Variants in DLG2 observed in about 807,000 individuals in gnomAD.
DLG2 encodes the protein discs large MAGUK scaffold protein 2, also known as disks large homolog 2.
A neutral mutation model predicts 132.5 loss-of-function variants in DLG2; 45 were observed. That is an observed-to-expected ratio of 0.34 (90% CI 0.27 to 0.44). DLG2 has a LOEUF of 0.44. Among genes scored for constraint, DLG2 ranks in the 20% least tolerant of loss-of-function variants. The pLI is 1.00. For synonymous variants in DLG2, 424 were observed against 419.6 expected (o/e 1.01, Z -0.13); for missense variants, 1,045 against 1,196.9 (o/e 0.87, Z 1.87).
chr11:83,510,835 T>TTG lies in DLG2; in HGVS notation c.2193+21872_2193+21873insCA, dbSNP rs1555133714. 3.5e-5 allele frequency among the ~76,000 whole-genome samples: 5 copies of TTG among 144,422 alleles called. No individual in the cohort carries two copies. In the East Asian group the frequency reaches 8.2e-4, roughly 24 times the overall value. 94.7% of individuals were successfully genotyped at this position (144,422 alleles called of 152,430 possible). A position where few individuals can be genotyped will look rare whatever the true frequency, so the allele number is the denominator to read the frequency against. On this transcript the variant is annotated intron_variant, in intron 21 of 27. Coordinates refer to ENST00000376104, the MANE Select transcript of DLG2 (RefSeq NM_001142699.3). ...CAAAAGTTTCTGAACCATCCGTTTT[T>TTG]TTTTTTTTTTTTTTTTGGAAGGGAA... is the stretch of plus-strand genomic sequence containing the variant.
chr11:84,621,444 T>C lies in DLG2; in HGVS notation c.358-86713A>G, dbSNP rs142231763. Among the ~76,000 whole-genome samples the C allele has an allele frequency of 4.7e-3, 716 of 152,220 alleles. 5 individuals carry two copies. The highest frequency in any genetic ancestry group is 0.037 in the Middle Eastern group (11 of 294). On this transcript the variant is annotated intron_variant, in intron 6 of 27. Coordinates refer to ENST00000376104, the MANE Select transcript of DLG2 (RefSeq NM_001142699.3). ...AGAAGGAATAGATGGATTTCCTCAATGAGTGGGATCACCATATTATAGATT... is the reference window on the plus strand; with the variant it reads ...AGAAGGAATAGATGGATTTCCTCAACGAGTGGGATCACCATATTATAGATT...
intron 6 of DLG2, among the ~76,000 whole-genome samples, chr11:84,707,427 G>T (rs925917036): frequency 1.3e-4 from 19 of 151,820 alleles, no homozygotes; most frequent in Non-Finnish European, 7.4e-5. Context: ...TAACTGACAT[G>T]GAGGTGTATG....
chr11:84,837,116 T>C (rs1201800956), intron 6 of DLG2, among the ~76,000 whole-genome samples: 1 of 151,866 alleles, frequency 6.6e-6, no homozygotes, highest in Non-Finnish European at 1.5e-5. Context: ...TAACATATAC[T>C]TCTTAGCAAG....
At chr11:84,308,589 C>G (rs986272133) in intron 7 of DLG2, among the ~76,000 whole-genome samples, 1 of 152,178 alleles carries the variant, frequency 6.6e-6, no homozygotes, top group South Asian at 2.1e-4. Flanking sequence ...GACTGGGTGC[C>G]GTGGAGCAGG....
intron 6 of DLG2, among the ~76,000 whole-genome samples, chr11:84,593,505 G>A (rs1057123869): frequency 6.6e-6 from 1 of 152,174 alleles, no homozygotes; most frequent in Non-Finnish European, 1.5e-5. Context: ...CAGGGACATG[G>A]ATGAAACTGG....
chr11:85,255,979 TA>T (rs1221870600), intron 4 of DLG2, among the ~76,000 whole-genome samples: 1 of 152,158 alleles, frequency 6.6e-6, no homozygotes, highest in Non-Finnish European at 1.5e-5. Flanking sequence ...TATCTTCAGC[TA>T]AAAGATATTA....
chr11:85,104,954 A>T (rs757962107), intron 6 of DLG2, among the ~76,000 whole-genome samples: 13 of 150,322 alleles, frequency 8.6e-5, no homozygotes, highest in South Asian at 2.1e-4. Flanking sequence ...CAAATCAGTC[A>T]AGTTGAATAA....
chr11:85,283,583 G>C (rs2078371604), intron 4 of DLG2, among the ~76,000 whole-genome samples: 1 of 151,096 alleles, frequency 6.6e-6, no homozygotes, highest in South Asian at 2.1e-4. Context: ...AATAGACAAA[G>C]AGCTTGAATG....
chr11:84,265,945 A>T (rs549996138), intron 7 of DLG2, among the ~76,000 whole-genome samples: 1 of 152,316 alleles, frequency 6.6e-6, no homozygotes, highest in Admixed American at 6.5e-5. Context: ...GAGGACTGCC[A>T]TTATTAACTC....
intron 8 of DLG2, among the ~76,000 whole-genome samples, chr11:84,229,849 C>T (rs1161905628): frequency 6.6e-6 from 1 of 152,142 alleles, no homozygotes; most frequent in Admixed American, 6.5e-5. Context: ...AATTAATTAA[C>T]ACATGTAAAG....
At chr11:84,621,624 G>A (rs1340535033) in intron 6 of DLG2, among the ~76,000 whole-genome samples, 1 of 152,174 alleles carries the variant, frequency 6.6e-6, no homozygotes, top group African/African-American at 2.4e-5. Flanking sequence ...AGAAATAAAT[G>A]TACAAGCTAT....
intron 6 of DLG2, among the ~76,000 whole-genome samples, chr11:84,793,682 T>A (rs2074185125): frequency 6.6e-6 from 1 of 152,240 alleles, no homozygotes; most frequent in East Asian, 1.9e-4. Context: ...CTTACAGTTT[T>A]TGTCTTGAAG....
At chr11:85,086,055 T>C (rs1164477574) in intron 6 of DLG2, among the ~76,000 whole-genome samples, 3 of 152,164 alleles carry the variant, frequency 2.0e-5, no homozygotes, top group African/African-American at 4.8e-5. Flanking sequence ...TTAAGTGCCC[T>C]AGACAAATAG....
intron 6 of DLG2, among the ~76,000 whole-genome samples, chr11:84,628,431 G>T (rs1159957451): frequency 6.6e-6 from 1 of 152,164 alleles, no homozygotes; most frequent in Non-Finnish European, 1.5e-5. Flanking sequence ...TAAATTGATT[G>T]TATGTTCCTT....
chr11:84,915,220 T>C (rs1164459998), intron 6 of DLG2, among the ~76,000 whole-genome samples: 4 of 152,160 alleles, frequency 2.6e-5, no homozygotes, highest in Non-Finnish European at 5.9e-5. Context: ...ATAAAGAAGG[T>C]TAATGAAGGA....
chr11:85,535,632 T>C (rs1264688935), intron 3 of DLG2, among the ~76,000 whole-genome samples: 1 of 152,166 alleles, frequency 6.6e-6, no homozygotes, highest in Non-Finnish European at 1.5e-5. Context: ...TACTCCTAGA[T>C]ATATGCCCAA....
At chr11:84,083,599 A>G (rs911240113) in intron 10 of DLG2, among the ~76,000 whole-genome samples, 4 of 152,296 alleles carry the variant, frequency 2.6e-5, no homozygotes, top group Middle Eastern at 3.4e-3. Context: ...TTAGTTATTT[A>G]GAGAGAAGGT....
chr11:84,870,998 T>C (rs1181468834), intron 6 of DLG2, among the ~76,000 whole-genome samples: 1 of 152,250 alleles, frequency 6.6e-6, no homozygotes, highest in Non-Finnish European at 1.5e-5. Context: ...CAAAATGCAC[T>C]GGCATTGTAT....
At chr11:85,372,472 G>C (rs534331099) in intron 3 of DLG2, among the ~76,000 whole-genome samples, 1 of 152,140 alleles carries the variant, frequency 6.6e-6, no homozygotes, top group Non-Finnish European at 1.5e-5. Context: ...TCCAAGCTTC[G>C]GGTCAAAGCC....
Sources: gnomAD v4.1 joint callset for allele counts (sites outside exome capture counted in the v4.1 genomes callset) on GRCh38, gnomAD v4.1.1 for gene constraint, MANE v1.5 for transcripts, NCBI Gene and HGNC (gene_info 2026-07-23, HGNC 2026-07-21) for gene names.